TMEM132D: variants seen among roughly 807,000 people sequenced by gnomAD.
The protein encoded by TMEM132D is mature OL transmembrane protein.
Under a neutral mutation model 62.3 loss-of-function variants are expected in TMEM132D, and 21 were observed. The observed-to-expected ratio is 0.34, with a 90% CI of 0.24 to 0.49. TMEM132D has a LOEUF of 0.49. TMEM132D is among the 20% of genes least tolerant of loss of function. The pLI is 0.99. For synonymous variants in TMEM132D, 621 were observed against 575.6 expected (o/e 1.08, Z -1.13); for missense variants, 1,346 against 1,402.8 (o/e 0.96, Z 0.65).
At chr12:129,492,206 A>G (rs1874816041) in intron 3 of TMEM132D, among the ~76,000 whole-genome samples, 1 of 152,178 alleles carries the variant, frequency 6.6e-6, no homozygotes, top group South Asian at 2.1e-4. Context: ...TGTCAGTTTC[A>G]AGCCAATTAC....
chr12:129,285,790 C>T (rs1208854909), intron 4 of TMEM132D, among the ~76,000 whole-genome samples: 1 of 151,888 alleles, frequency 6.6e-6, no homozygotes, highest in Non-Finnish European at 1.5e-5. Context: ...CACTGTAAAA[C>T]ATGTAATTTC....
chr12:129,286,014 T>C (rs1326995945), intron 4 of TMEM132D, among the ~76,000 whole-genome samples: 1 of 152,246 alleles, frequency 6.6e-6, no homozygotes, highest in Non-Finnish European at 1.5e-5. Flanking sequence ...TCCATGATTT[T>C]CTTCTTGCTA....
intron 1 of TMEM132D, among the ~76,000 whole-genome samples, chr12:129,865,360 G>A (rs1007483876): frequency 1.3e-5 from 2 of 152,074 alleles, no homozygotes; most frequent in Non-Finnish European, 2.9e-5. Flanking sequence ...AGAATACCAG[G>A]AGAATATGAG....
chr12:129,145,308 T>C (rs1394589119), intron 5 of TMEM132D, among the ~76,000 whole-genome samples: 1 of 152,156 alleles, frequency 6.6e-6, no homozygotes, highest in East Asian at 1.9e-4. Flanking sequence ...ACTGGATTGT[T>C]ACTCCCAGCT....
chr12:129,413,904 C>T (rs1872040485), intron 3 of TMEM132D, among the ~76,000 whole-genome samples: 1 of 152,188 alleles, frequency 6.6e-6, no homozygotes, highest in Non-Finnish European at 1.5e-5. Context: ...CATGAACGAA[C>T]AATACCTCAT....
intron 3 of TMEM132D, among the ~76,000 whole-genome samples, chr12:129,378,961 A>G (rs1255813550): frequency 6.6e-6 from 1 of 152,082 alleles, no homozygotes; most frequent in Non-Finnish European, 1.5e-5. Context: ...GGAGGTTATC[A>G]CTCAGGAAGG....
intron 3 of TMEM132D, among the ~76,000 whole-genome samples, chr12:129,454,865 G>C (rs750512991): frequency 6.6e-6 from 1 of 152,194 alleles, no homozygotes; most frequent in Non-Finnish European, 1.5e-5. Flanking sequence ...TTTCCTTGAT[G>C]AACTCCATGG....
intron 2 of TMEM132D, among the ~76,000 whole-genome samples, chr12:129,684,895 G>T (rs921717700): frequency 3.3e-5 from 5 of 152,092 alleles, no homozygotes; most frequent in Non-Finnish European, 7.3e-5. Context: ...GTTTTTCCCT[G>T]CCTTAGAGAT....
At chr12:129,830,610 C>T (rs539955372) in intron 1 of TMEM132D, among the ~76,000 whole-genome samples, 43 of 152,154 alleles carry the variant, frequency 2.8e-4, no homozygotes, top group African/African-American at 1.0e-3. Context: ...CTCCTGTTTC[C>T]CTAAAATGTA....
chr12:129,830,566 A>G (rs1396507164), intron 1 of TMEM132D, among the ~76,000 whole-genome samples: 6 of 152,124 alleles, frequency 3.9e-5, no homozygotes, highest in African/African-American at 1.4e-4. Flanking sequence ...TTCTGAATGG[A>G]ACCAGTATCC....
intron 1 of TMEM132D, among the ~76,000 whole-genome samples, chr12:129,785,544 G>A (rs1194734010): frequency 3.3e-5 from 5 of 152,156 alleles, no homozygotes; most frequent in Admixed American, 2.6e-4. Context: ...AATGAACATT[G>A]TATGCACTAA....
chr12:129,294,380 T>C (rs56008313), intron 4 of TMEM132D, among the ~76,000 whole-genome samples: 4,750 of 152,232 alleles, frequency 0.031, 235 homozygotes, highest in East Asian at 0.24. Flanking sequence ...GTCTTGGTGA[T>C]TGGGGCTTAA....
intron 2 of TMEM132D, among the ~76,000 whole-genome samples, chr12:129,647,616 A>G (rs547515683): frequency 6.6e-6 from 1 of 152,308 alleles, no homozygotes; most frequent in Admixed American, 6.5e-5. Context: ...TACCTTTGCC[A>G]ATATAATGAT....
At chr12:129,683,916 TGA>T (rs1300155637) in intron 2 of TMEM132D, among the ~76,000 whole-genome samples, 4 of 152,150 alleles carry the variant, frequency 2.6e-5, no homozygotes, top group Non-Finnish European at 2.9e-5. Context: ...TCAGTTGCTT[TGA>T]GTCTTGTTGA....
intron 4 of TMEM132D, among the ~76,000 whole-genome samples, chr12:129,242,691 T>C (rs977606372): frequency 2.0e-5 from 3 of 152,182 alleles, no homozygotes; most frequent in African/African-American, 7.2e-5. Context: ...CTCTGTTTTG[T>C]TTTTCTTTGG....
intron 3 of TMEM132D, among the ~76,000 whole-genome samples, chr12:129,355,870 C>A (rs569508713): frequency 6.6e-6 from 1 of 152,192 alleles, no homozygotes. Context: ...GAGGGGCCCT[C>A]ACGCAGAGTC....
chr12:129,683,637 G>A (rs904271837), intron 2 of TMEM132D, among the ~76,000 whole-genome samples: 1 of 152,134 alleles, frequency 6.6e-6, no homozygotes. Context: ...ATGGACAGAT[G>A]ACATGTAGGA....
intron 3 of TMEM132D, among the ~76,000 whole-genome samples, chr12:129,508,771 T>TA (rs1159494172): frequency 6.6e-6 from 1 of 152,000 alleles, no homozygotes; most frequent in Admixed American, 6.6e-5. Flanking sequence ...AATCACATAT[T>TA]AAAAAAATGA....
intron 2 of TMEM132D, among the ~76,000 whole-genome samples, chr12:129,653,930 G>A (rs886079226): frequency 1.3e-5 from 2 of 152,084 alleles, no homozygotes; most frequent in African/African-American, 2.4e-5. Context: ...CTCAACCAAG[G>A]TACCAGGTTA....
Sources: gnomAD v4.1 joint callset for allele counts (sites outside exome capture counted in the v4.1 genomes callset) on GRCh38, gnomAD v4.1.1 for gene constraint, MANE v1.5 for transcripts, NCBI Gene and HGNC (gene_info 2026-07-23, HGNC 2026-07-21) for gene names.